The following PDE1C variants were observed in gnomAD, a reference collection of about 807,000 sequenced individuals.
PDE1C encodes phosphodiesterase 1C.
PDE1C carries 62 observed loss-of-function variants against 93.1 expected under a neutral mutation model. That is an observed-to-expected ratio of 0.67 (90% CI 0.54 to 0.82). The LOEUF (loss-of-function observed/expected upper bound fraction) is 0.82, where lower values mean the gene tolerates loss of function less well. Among genes scored for constraint, PDE1C ranks in the 40% least tolerant of loss-of-function variants. The pLI is 0.00. For synonymous variants in PDE1C, 325 were observed against 310.1 expected (o/e 1.05, Z -0.50); for missense variants, 742 against 884.6 (o/e 0.84, Z 2.04).
chr7:31,637,053 A>C, the PDE1C span, among the ~76,000 whole-genome samples: 1 of 151,876 alleles, frequency 6.6e-6, no homozygotes, highest in African/African-American at 2.4e-5. Flanking sequence ...TGTCCCTACA[A>C]AGGACATGAA....
intron 3 of PDE1C, among the ~76,000 whole-genome samples, chr7:32,123,730 C>G (rs890527748): frequency 3.9e-5 from 6 of 152,144 alleles, no homozygotes; most frequent in Admixed American, 3.9e-4. Context: ...CTATTTATTA[C>G]AAACCCACAG....
chr7:31,920,139 G>C (rs1802416523), intron 2 of PDE1C, among the ~76,000 whole-genome samples: 1 of 152,152 alleles, frequency 6.6e-6, no homozygotes, highest in Non-Finnish European at 1.5e-5. Context: ...AGGGTTGGCA[G>C]CCTGTGGGCT....
chr7:31,786,342 T>C (rs1783937919), intron 16 of PDE1C: 1 of 152,112 alleles, frequency 6.6e-6, no homozygotes, highest in African/African-American at 2.4e-5. Context: ...GAAGTTTTTA[T>C]TTTATTTTTT....
At chr7:31,925,882 G>A (rs764956315) in intron 2 of PDE1C, among the ~76,000 whole-genome samples, 1 of 152,078 alleles carries the variant, frequency 6.6e-6, no homozygotes, top group Non-Finnish European at 1.5e-5. Context: ...TGGCAAATAT[G>A]CAAGTTGTGT....
intron 2 of PDE1C, among the ~76,000 whole-genome samples, chr7:31,921,441 C>A (rs555025499): frequency 2.0e-5 from 3 of 152,298 alleles, no homozygotes. Context: ...CAATTTCTCA[C>A]CTTCCAGGAT....
chr7:32,072,974 T>A (rs147845030), upstream of PDE1C, among the ~76,000 whole-genome samples: 57 of 152,326 alleles, frequency 3.7e-4, no homozygotes, highest in South Asian at 0.01. Flanking sequence ...GAAAAAGAAA[T>A]TGCTGAAAAG....
chr7:32,058,237 T>C (rs1177492056), intron 1 of PDE1C, among the ~76,000 whole-genome samples: 1 of 152,190 alleles, frequency 6.6e-6, no homozygotes, highest in Non-Finnish European at 1.5e-5. Context: ...TCTCCATTCT[T>C]TTCTCCAGAG....
the PDE1C span, among the ~76,000 whole-genome samples, chr7:31,634,038 A>T: frequency 6.6e-6 from 1 of 152,182 alleles, no homozygotes; most frequent in Non-Finnish European, 1.5e-5. Context: ...TACTAATTTT[A>T]GCCATTCCAA....
chr7:32,011,126 C>T (rs1328332766), intron 2 of PDE1C, among the ~76,000 whole-genome samples: 1 of 151,966 alleles, frequency 6.6e-6, no homozygotes, highest in Non-Finnish European at 1.5e-5. Flanking sequence ...ATTTTCAAAT[C>T]ACAAATCTGA....
chr7:31,688,885 A>G, the PDE1C span, among the ~76,000 whole-genome samples: 1 of 152,226 alleles, frequency 6.6e-6, no homozygotes, highest in African/African-American at 2.4e-5. Flanking sequence ...TCATTCTCTA[A>G]TTAAGAAATC....
At chr7:31,855,145 T>C (rs1039284461) in intron 7 of PDE1C, among the ~76,000 whole-genome samples, 2 of 151,246 alleles carry the variant, frequency 1.3e-5, no homozygotes, top group Admixed American at 1.3e-4. Flanking sequence ...CCAGTGTGGA[T>C]GGGTTCTCTG....
the PDE1C span, among the ~76,000 whole-genome samples, chr7:31,639,777 C>T: frequency 6.6e-6 from 1 of 151,958 alleles, no homozygotes; most frequent in Non-Finnish European, 1.5e-5. Flanking sequence ...ACCTCGTGAT[C>T]TGCCTGCCTC....
intron 2 of PDE1C, among the ~76,000 whole-genome samples, chr7:31,887,923 A>C (rs371288869): frequency 2.0e-5 from 3 of 152,210 alleles, no homozygotes; most frequent in African/African-American, 7.2e-5. Flanking sequence ...GCCTTGTAGT[A>C]TGCAGCTAAA....
intron 2 of PDE1C, among the ~76,000 whole-genome samples, chr7:32,023,037 C>T (rs1282469609): frequency 6.6e-6 from 1 of 151,716 alleles, no homozygotes; most frequent in Admixed American, 6.6e-5. Flanking sequence ...CCTATTTGCT[C>T]CCAACGATTT....
intron 1 of PDE1C, among the ~76,000 whole-genome samples, chr7:32,378,244 T>C (rs915407854): frequency 3.9e-5 from 6 of 152,036 alleles, no homozygotes; most frequent in African/African-American, 1.4e-4. Context: ...CAATCCACAC[T>C]CCTCACAGCA....
At chr7:32,005,325 G>A (rs192423540) in intron 2 of PDE1C, among the ~76,000 whole-genome samples, 1 of 152,056 alleles carries the variant, frequency 6.6e-6, no homozygotes, top group African/African-American at 2.4e-5. Context: ...GGGAGGCCGA[G>A]GCAGGCAGAT....
intron 1 of PDE1C, among the ~76,000 whole-genome samples, chr7:32,246,236 T>C (rs923300152): frequency 1.2e-4 from 19 of 152,264 alleles, no homozygotes; most frequent in Non-Finnish European, 1.3e-4. Flanking sequence ...CCCAAAGTGC[T>C]GGGATTACAG....
chr7:32,203,208 T>TTCC (rs1247338402), intron 2 of PDE1C, among the ~76,000 whole-genome samples: 1 of 151,736 alleles, frequency 6.6e-6, no homozygotes, highest in Non-Finnish European at 1.5e-5. Context: ...TTCTCAGTCG[T>TTCC]TCCTCCCACA....
chr7:32,409,210 A>C (rs549335757), intron 1 of PDE1C, among the ~76,000 whole-genome samples: 1 of 151,994 alleles, frequency 6.6e-6, no homozygotes, highest in African/African-American at 2.4e-5. Context: ...AATACAAAAA[A>C]TTAGGCTGGG....
Sources: gnomAD v4.1 joint callset for allele counts (sites outside exome capture counted in the v4.1 genomes callset) on GRCh38, gnomAD v4.1.1 for gene constraint, MANE v1.5 for transcripts, NCBI Gene and HGNC (gene_info 2026-07-23, HGNC 2026-07-21) for gene names.